Variants in DMXL1 observed in about 807,000 individuals in gnomAD.
The protein encoded by DMXL1 is Dmx like 1.
In DMXL1, 99 loss-of-function variants were observed where a neutral mutation model predicts 319.2. That is an observed-to-expected ratio of 0.31 (90% confidence interval 0.26 to 0.37). The LOEUF is 0.37. Among genes scored for constraint, DMXL1 ranks in the 10% least tolerant of loss-of-function variants. The probability of loss-of-function intolerance (pLI) is 1.00; values close to 1 mark genes in which losing one functional copy is unlikely to be tolerated. For synonymous variants in DMXL1, 1,385 were observed against 1,235.2 expected (o/e 1.12, Z -2.54); for missense variants, 3,745 against 3,595.6 (o/e 1.04, Z -1.06).
intron 13 of DMXL1, among the ~76,000 whole-genome samples, chr5:119,142,159 CT>C (rs1288191469): frequency 6.6e-6 from 1 of 152,072 alleles, no homozygotes; most frequent in Admixed American, 6.6e-5. Context: ...TCTAAAAACC[CT>C]GGAAGACAAT....
chr5:119,104,306 C>A (rs1173953516), intron 3 of DMXL1: 1 of 152,166 alleles, frequency 6.6e-6, no homozygotes, highest in African/African-American at 2.4e-5. Context: ...GACATTCCTG[C>A]AAGGCAGTGT....
At chr5:119,123,284 G>A (rs1233488223) in intron 9 of DMXL1, among the ~76,000 whole-genome samples, 2 of 151,466 alleles carry the variant, frequency 1.3e-5, no homozygotes, top group Non-Finnish European at 1.5e-5. Context: ...GCATCAGAGG[G>A]AGAGCGTGGA....
chr5:119,176,038 T>G (rs1364772220), intron 26 of DMXL1, among the ~76,000 whole-genome samples: 4 of 152,074 alleles, frequency 2.6e-5, no homozygotes, highest in African/African-American at 9.7e-5. Flanking sequence ...TTCCATTTCT[T>G]TATCTCTTTT....
intron 1 of DMXL1, among the ~76,000 whole-genome samples, chr5:119,075,333 G>A (rs1750589829): frequency 6.7e-6 from 1 of 150,214 alleles, no homozygotes; most frequent in Admixed American, 6.7e-5. Flanking sequence ...TCCGCCTCCC[G>A]GGTTCAAGCT....
In DMXL1 at chr5:119,116,473, C is replaced by G. The variant is rs923944027; in HGVS notation, c.743+137C>G. ...AGATTAGAGTAATATTAAATCGTCT[C>G]TGGCCTGCACATCTCTGGCTGTGGC... is the stretch of plus-strand genomic sequence containing the variant. On this transcript the variant is annotated intron_variant, in intron 7 of 43. Transcript: ENST00000539542. 1.9e-5 allele frequency: 17 copies of G among 907,836 alleles called. No individual in the cohort carries two copies. The East Asian group carries it at 3.0e-4, about 16-fold the overall frequency. The allele number at this position is 907,836 out of a possible 1,614,324, so 56.2% of individuals were successfully genotyped here. A position where few individuals can be genotyped will look rare whatever the true frequency, so the allele number is the denominator to read the frequency against.
At chr5:119,147,786 G>T (rs1768912135) in intron 17 of DMXL1, among the ~76,000 whole-genome samples, 1 of 152,114 alleles carries the variant, frequency 6.6e-6, no homozygotes, top group South Asian at 2.1e-4. Flanking sequence ...GATGGTATTG[G>T]CAATAGCTGC....
At position 119,221,086 on chromosome 5, in the gene DMXL1, G is replaced by A; in HGVS notation, c.8277+5G>A. ...ACTGGCAGAGGAGCATCTGTGGTAT[G>A]TAAAGTTAAAAATAAATTTAAGTTA... is the stretch of plus-strand genomic sequence containing the variant. On this transcript the variant is annotated splice_donor_5th_base_variant and intron_variant, in intron 37 of 43. Transcript: ENST00000539542. 1 of 1,592,922 alleles carries A rather than the reference G, an allele frequency of 6.3e-7. No individual in the cohort carries two copies. Among genetic ancestry groups the A allele is most frequent in the South Asian group, 1.1e-5 (1 of 87,606 alleles).
At chr5:119,105,355 G>A in intron 4 of DMXL1, 97 bp downstream of exon 4, 3 of 955,624 alleles carry the variant, frequency 3.1e-6, no homozygotes, top group Admixed American at 4.2e-5. Flanking sequence ...CTGGGTGTGA[G>A]GTTGTGGGGA....
In DMXL1 at chr5:119,167,872, G is replaced by A. The variant is rs111360499; in HGVS notation, c.5398+8G>A. 5.7e-4 allele frequency: 910 copies of A among 1,608,408 alleles called. 3 individuals are homozygous for A. In the African/African-American group the frequency reaches 8.5e-3, roughly 15 times the overall value. On this transcript the variant is annotated splice_region_variant and intron_variant, in intron 23 of 43. Coordinates refer to ENST00000539542, the MANE Select transcript of DMXL1 (RefSeq NM_001290321.3). ...CTATCAGAGAGAATGATGGTAAGCT[G>A]CACTTCTAAGATGTTAATGATTAAG... is the stretch of plus-strand genomic sequence containing the variant.
intron 26 of DMXL1, among the ~76,000 whole-genome samples, chr5:119,176,976 A>G (rs1241795178): frequency 1.3e-5 from 2 of 152,116 alleles, no homozygotes; most frequent in Non-Finnish European, 2.9e-5. Flanking sequence ...TATTCCTTAT[A>G]TGCCTAGTAC....
chr5:119,147,167 T>A, intron 16 of DMXL1, 82 bp from the exon 17 acceptor site: 1 of 1,276,542 alleles, frequency 7.8e-7, no homozygotes, highest in South Asian at 1.4e-5. Context: ...TACAAGGCAG[T>A]TTTGGATTGT....
chr5:119,182,257 T>C (rs1394686645), intron 28 of DMXL1, among the ~76,000 whole-genome samples: 1 of 152,238 alleles, frequency 6.6e-6, no homozygotes, highest in African/African-American at 2.4e-5. Context: ...ATTTTTTATC[T>C]TTTAAATTTG....
chr5:119,229,496 A>G (rs1639863157), intron 38 of DMXL1, among the ~76,000 whole-genome samples: 1 of 152,094 alleles, frequency 6.6e-6, no homozygotes, highest in South Asian at 2.1e-4. Flanking sequence ...TATTTTTCCA[A>G]ATTCCTCTTA....
intron 9 of DMXL1, among the ~76,000 whole-genome samples, chr5:119,126,139 C>T (rs1372057878): frequency 1.3e-5 from 2 of 152,028 alleles, no homozygotes; most frequent in Non-Finnish European, 2.9e-5. Flanking sequence ...CAAAATTAGC[C>T]AGGCGTGGTG....
chr5:119,122,810 A>G lies in DMXL1; in HGVS notation c.1102+1671A>G, dbSNP rs1762499046. Reference sequence around the variant, plus strand: ...TGGCGGCCGGGCAGAGATGCTCCTCACTTTCCAGACTGGGCAGCCAGGCAG... The same window carrying G: ...TGGCGGCCGGGCAGAGATGCTCCTCGCTTTCCAGACTGGGCAGCCAGGCAG... On this transcript the variant is annotated intron_variant, in intron 9 of 43. Transcript: ENST00000539542. Among the ~76,000 whole-genome samples, 11 of 144,060 alleles carry G rather than the reference A, an allele frequency of 7.6e-5. No homozygotes were observed. In the South Asian group the frequency reaches 2.4e-3, roughly 32 times the overall value. The allele number at this position is 144,060 out of a possible 152,430, so 94.5% of individuals were successfully genotyped here. A position where few individuals can be genotyped will look rare whatever the true frequency, so the allele number is the denominator to read the frequency against.
chr5:119,140,822 C>G (rs1210821168), intron 13 of DMXL1, among the ~76,000 whole-genome samples: 1 of 152,042 alleles, frequency 6.6e-6, no homozygotes, highest in Non-Finnish European at 1.5e-5. Context: ...AACTTTAGCC[C>G]AATATCCTCT....
intron 34 of DMXL1, among the ~76,000 whole-genome samples, chr5:119,212,108 A>C (rs901837608): frequency 1.3e-5 from 2 of 152,180 alleles, no homozygotes; most frequent in African/African-American, 4.8e-5. Flanking sequence ...CCCAGTGGCC[A>C]TAAGTACATT....
intron 28 of DMXL1, among the ~76,000 whole-genome samples, chr5:119,185,088 A>G (rs1272862700): frequency 6.6e-6 from 1 of 151,924 alleles, no homozygotes. Context: ...TCTTCTCCTT[A>G]CTTTCCTTCT....
chr5:119,092,029 C>A (rs1269797135), intron 1 of DMXL1, among the ~76,000 whole-genome samples: 3 of 152,176 alleles, frequency 2.0e-5, no homozygotes, highest in Non-Finnish European at 4.4e-5. Flanking sequence ...GGCTGTTCAC[C>A]ATAATCTCCC....
Sources: allele counts gnomAD v4.1 joint callset (sites outside exome capture counted in the v4.1 genomes callset), GRCh38; gene constraint gnomAD v4.1.1; transcripts MANE v1.5; gene names NCBI Gene and HGNC (gene_info 2026-07-23, HGNC 2026-07-21).